DNM2: variants seen among roughly 807,000 people sequenced by gnomAD.
DNM2 encodes the protein dynamin 2.
A neutral mutation model predicts 99.0 loss-of-function variants in DNM2; 15 were observed. The ratio of observed to expected loss-of-function variants is 0.15; its 90% CI spans 0.10 to 0.23. The LOEUF (loss-of-function observed/expected upper bound fraction) is 0.23, where lower values mean the gene tolerates loss of function less well. Ranked by LOEUF, DNM2 falls within the 10% of genes least tolerant of loss-of-function variation. The probability of loss-of-function intolerance (pLI) is 1.00; values close to 1 mark genes in which losing one functional copy is unlikely to be tolerated. For synonymous variants in DNM2, 525 were observed against 481.2 expected, an observed-to-expected ratio of 1.09 and a Z score of -1.19; for missense variants, 742 against 1,189.4, an observed-to-expected ratio of 0.62 and a Z score of 5.53.
Position 10,816,213 on chromosome 19 carries a change from G to A in DNM2, c.1672-3767G>A, listed in dbSNP as rs1273022886. On this transcript the variant is annotated intron_variant, in intron 15 of 20. Coordinates refer to ENST00000389253, the MANE Select transcript of DNM2 (RefSeq NM_001005361.3). The surrounding 1 kb of genome is among the most constrained non-coding windows in gnomAD (Gnocchi z 4.6). Reference sequence around the variant, plus strand: ...CCCAGCCCGACATCCGAACACCTCCGCTGCAGCCCAGGCCTGATGTCCCCT... The same window carrying A: ...CCCAGCCCGACATCCGAACACCTCCACTGCAGCCCAGGCCTGATGTCCCCT... 2.6e-5 allele frequency among the ~76,000 whole-genome samples: 4 copies of A among 152,100 alleles called. No homozygotes were observed. The highest frequency in any genetic ancestry group is 1.9e-4 in the East Asian group (1 of 5,168).
At chr19:10,723,211 C>T (rs1314285159) in intron 1 of DNM2, among the ~76,000 whole-genome samples, 1 of 151,294 alleles carries the variant, frequency 6.6e-6, no homozygotes, top group Non-Finnish European at 1.5e-5. Context: ...CTTGGCTCAC[C>T]GCAACCTCCC....
intron 5 of DNM2, among the ~76,000 whole-genome samples, chr19:10,781,082 C>G (rs937667135): frequency 6.7e-6 from 1 of 149,820 alleles, no homozygotes; most frequent in Non-Finnish European, 1.5e-5. Context: ...CCCAGCTACT[C>G]AGGAGGCTGA....
At chr19:10,793,264 G>A (rs547020328) in intron 7 of DNM2, among the ~76,000 whole-genome samples, 1 of 152,194 alleles carries the variant, frequency 6.6e-6, no homozygotes, top group African/African-American at 2.4e-5. Flanking sequence ...GCTCAGAGGG[G>A]CAAAGTCCTG....
chr19:10,718,112 G>C lies in DNM2; in HGVS notation c.-131G>C, dbSNP rs1186851243. On this transcript the variant is annotated 5_prime_UTR_variant, in exon 1 of 21. Transcript: ENST00000389253. ...GATGAGGCGGCGACCGTGAGGCCGA[G>C]CCGGGAGCGGGCGTCTTGCCGAGGC... 3 of 1,089,000 alleles carry C rather than the reference G, an allele frequency of 2.8e-6. No individual in the cohort carries two copies. The highest frequency in any genetic ancestry group is 3.5e-6 in the Non-Finnish European group (3 of 853,298). 67.5% of individuals were successfully genotyped at this position (1,089,000 alleles called of 1,614,324 possible).
At chr19:10,800,811 G>A (rs888856298) in intron 11 of DNM2, among the ~76,000 whole-genome samples, 2 of 152,250 alleles carry the variant, frequency 1.3e-5, no homozygotes, top group Non-Finnish European at 2.9e-5. Context: ...CAAAAGACAA[G>A]AAGGATGAGG....
intron 1 of DNM2, among the ~76,000 whole-genome samples, chr19:10,758,857 A>G (rs1386248593): frequency 6.6e-6 from 1 of 152,084 alleles, no homozygotes; most frequent in Non-Finnish European, 1.5e-5. Context: ...CAGGATATGT[A>G]CTTTTCTTAA....
At chr19:10,747,651 G>T (rs768436041) in intron 1 of DNM2, among the ~76,000 whole-genome samples, 34 of 152,206 alleles carry the variant, frequency 2.2e-4, no homozygotes, top group Admixed American at 9.8e-4. Context: ...TCTGCCTCCT[G>T]CCTGGGTGTG....
At position 10,817,421 on chromosome 19, in the gene DNM2, G is replaced by A. The variant is rs2072788199; in HGVS notation, c.1672-2559G>A. ...CTGTCTCGACGAGCCGCTCACCCAA[G>A]CCCAGCCTAACCAATGTGCAGACTA... On this transcript the variant is annotated intron_variant, in intron 15 of 20. Coordinates refer to ENST00000389253, the MANE Select transcript of DNM2 (RefSeq NM_001005361.3). This position sits in a 1 kb window ranked among gnomAD's most constrained non-coding sequence, Gnocchi z 4.6. 3.9e-6 allele frequency: 2 copies of A among 512,538 alleles called. No individual in the cohort carries two copies. The highest frequency in any genetic ancestry group is 8.0e-6 in the Non-Finnish European group (2 of 249,486). The allele number at this position is 512,538 out of a possible 1,614,324, so 31.7% of individuals were successfully genotyped here.
chr19:10,823,501 CCA>C (rs1390859560), intron 16 of DNM2: 1 of 415,632 alleles, frequency 2.4e-6, no homozygotes, highest in East Asian at 4.6e-5. Context: ...AGCTTCCCAG[CCA>C]CAGTTGGTGT....
Position 10,718,347 on chromosome 19 carries a change from T to C in DNM2, c.105T>C (p.Ala35=), listed in dbSNP as rs760980172. The C allele has an allele frequency of 6.6e-7, 1 of 1,523,996 alleles. No homozygotes were observed. Among genetic ancestry groups the C allele is most frequent in the South Asian group, 1.2e-5 (1 of 80,352 alleles). 94.4% of individuals were successfully genotyped at this position (1,523,996 alleles called of 1,614,324 possible). The change falls in exon 1 of 21, where the codon GCT becomes GCC. Residue 35 remains alanine (A), a synonymous_variant. Coordinates refer to ENST00000389253, the MANE Select transcript of DNM2 (RefSeq NM_001005361.3). ...QSCHLDLPQI[A]VVGGQSAGKS... is the part of the protein sequence containing the mutation. ...GCCACCTGGACCTGCCGCAGATCGC[T>C]GTAGTGGGCGGCCAGAGCGCCGGCA...
Position 10,815,216 on chromosome 19 carries a change from C to G in DNM2, c.1671+2839C>G, listed in dbSNP as rs932192544. Among the ~76,000 whole-genome samples the G allele has an allele frequency of 4.3e-4, 66 of 152,280 alleles. 1 individual carries two copies. Among genetic ancestry groups the G allele is most frequent in the Non-Finnish European group, 7.5e-4 (51 of 68,030 alleles). ...CTCCCTTCATAGTTTAAAATGGCTG[C>G]CCCATACCCATCACCATGTAGCCTC... On this transcript the variant is annotated intron_variant, in intron 15 of 20. Transcript: ENST00000389253.
rs755190983 is a variant in DNM2 at position 10,775,161 on chromosome 19, A to G, written c.386-542A>G. 6.6e-6 allele frequency among the ~76,000 whole-genome samples: 1 copy of G among 152,058 alleles called. No homozygotes were observed. Among genetic ancestry groups the G allele is most frequent in the Non-Finnish European group, 1.5e-5 (1 of 68,018 alleles). On this transcript the variant is annotated intron_variant, in intron 3 of 20. Coordinates refer to ENST00000389253, the MANE Select transcript of DNM2 (RefSeq NM_001005361.3). This position sits in a 1 kb window ranked among gnomAD's most constrained non-coding sequence, Gnocchi z 4.3. Reference sequence around the variant, plus strand: ...CAGTGGTATGATCTCAGCTCACTGCAACCTCCACCTTCTGGGTTCAAGTGT... The same window carrying G: ...CAGTGGTATGATCTCAGCTCACTGCGACCTCCACCTTCTGGGTTCAAGTGT...
At chr19:10,724,107 G>T (rs1253009129) in intron 1 of DNM2, among the ~76,000 whole-genome samples, 1 of 126,812 alleles carries the variant, frequency 7.9e-6, no homozygotes, top group African/African-American at 3.2e-5. Context: ...AAGGCGATAA[G>T]TATGATGGAA....
At position 10,776,129 on chromosome 19, in the gene DNM2, G is replaced by A. The variant is rs1382048542; in HGVS notation, c.589+223G>A. ...GACGGTCCTCCTTGGACATGGCAGT[G>A]CCCATGTTGCCAGAGTGGGAAGCTA... On this transcript the variant is annotated intron_variant, in intron 4 of 20. Coordinates refer to ENST00000389253, the MANE Select transcript of DNM2 (RefSeq NM_001005361.3). Among the ~76,000 whole-genome samples the A allele has an allele frequency of 2.6e-5, 4 of 152,160 alleles. No individual in the cohort carries two copies. In the East Asian group the frequency reaches 7.7e-4, roughly 29 times the overall value.
At chr19:10,823,451 A>C in intron 16 of DNM2, 1 of 194,370 alleles carries the variant, frequency 5.1e-6, no homozygotes, top group East Asian at 1.2e-4. Context: ...GTTCTGGTGG[A>C]CAGTGCTGCT....
chr19:10,720,687 A>G (rs1438685411), intron 1 of DNM2, among the ~76,000 whole-genome samples: 1 of 152,096 alleles, frequency 6.6e-6, no homozygotes, highest in East Asian at 1.9e-4. Context: ...CCGTGATTGC[A>G]CCATTACCCT....
At chr19:10,771,403 A>C (rs964442044) in intron 2 of DNM2, among the ~76,000 whole-genome samples, 1 of 151,528 alleles carries the variant, frequency 6.6e-6, no homozygotes, top group Non-Finnish European at 1.5e-5. Context: ...TCTTATATAC[A>C]CTCAGGGTTA....
chr19:10,730,017 C>T (rs1201401671), intron 1 of DNM2, among the ~76,000 whole-genome samples: 1 of 152,058 alleles, frequency 6.6e-6, no homozygotes, highest in Non-Finnish European at 1.5e-5. Flanking sequence ...CACATGCCAC[C>T]ACGCCCAACT....
chr19:10,724,342 T>G (rs1042982223), intron 1 of DNM2, among the ~76,000 whole-genome samples: 6 of 152,150 alleles, frequency 3.9e-5, no homozygotes, highest in African/African-American at 1.4e-4. Context: ...CAGGCCCGGC[T>G]AATTTTTTGT....
Sources: allele counts gnomAD v4.1 joint callset (sites outside exome capture counted in the v4.1 genomes callset), GRCh38; gene constraint gnomAD v4.1.1; non-coding constraint Gnocchi (gnomAD v3.1); transcripts MANE v1.5; gene names NCBI Gene and HGNC (gene_info 2026-07-23, HGNC 2026-07-21).